The following CCDC12 variants were observed in gnomAD, a reference collection of about 807,000 sequenced individuals.
CCDC12 encodes the protein coiled-coil domain-containing protein 12.
A neutral mutation model predicts 25.7 loss-of-function variants in CCDC12; 28 were observed. The observed-to-expected ratio is 1.09, with a 90% CI of 0.81 to 1.50. The LOEUF is 1.50. Among genes scored for constraint, CCDC12 ranks in the 40% most tolerant of loss-of-function variants. The probability of loss-of-function intolerance (pLI) is 0.00; values close to 1 mark genes in which losing one functional copy is unlikely to be tolerated. For synonymous variants in CCDC12, 75 were observed against 87.7 expected (o/e 0.86, Z 0.81); for missense variants, 198 against 210.0 (o/e 0.94, Z 0.35).
chr3:46,936,858 G>C (rs765767382), intron 2 of CCDC12, among the ~76,000 whole-genome samples: 6 of 152,206 alleles, frequency 3.9e-5, no homozygotes, highest in Non-Finnish European at 7.3e-5. Flanking sequence ...TGGGACATAG[G>C]GAGCCGAGAC....
At chr3:46,926,910 G>C (rs891222039) in intron 2 of CCDC12, among the ~76,000 whole-genome samples, 1 of 152,196 alleles carries the variant, frequency 6.6e-6, no homozygotes, top group African/African-American at 2.4e-5. Context: ...TAAAAGTGCT[G>C]CTGACTTCCT....
chr3:46,927,497 A>T (rs1222635650), intron 2 of CCDC12, among the ~76,000 whole-genome samples: 1 of 152,186 alleles, frequency 6.6e-6, no homozygotes, highest in Non-Finnish European at 1.5e-5. Context: ...ACACGCACCC[A>T]TGCCTCCAGA....
upstream of CCDC12, chr3:46,977,075 C>G: frequency 2.8e-6 from 1 of 351,602 alleles, no homozygotes; most frequent in Non-Finnish European, 5.3e-6. Flanking sequence ...TCGATCGCTC[C>G]GGTTTTGCCC....
intron 1 of CCDC12, among the ~76,000 whole-genome samples, chr3:46,954,043 AC>A (rs1345580716): frequency 6.6e-6 from 1 of 151,862 alleles, no homozygotes; most frequent in Admixed American, 6.6e-5. Flanking sequence ...AGATTGGAAG[AC>A]CCCTCCCCTG....
At chr3:46,939,479 C>A (rs932943438) in intron 2 of CCDC12, among the ~76,000 whole-genome samples, 1 of 152,058 alleles carries the variant, frequency 6.6e-6, no homozygotes, top group Admixed American at 6.6e-5. Context: ...GACCAAAGGG[C>A]CTCTAATATG....
chr3:46,927,689 C>T (rs1357944567), intron 2 of CCDC12, among the ~76,000 whole-genome samples: 1 of 152,232 alleles, frequency 6.6e-6, no homozygotes, highest in East Asian at 1.9e-4. Flanking sequence ...TCAGTTTCCA[C>T]ATTTAGAAAC....
At chr3:46,956,034 C>A (rs1374145680) in intron 1 of CCDC12, among the ~76,000 whole-genome samples, 2 of 152,234 alleles carry the variant, frequency 1.3e-5, no homozygotes, top group Non-Finnish European at 2.9e-5. Flanking sequence ...AAGATAGGCC[C>A]ACATTTAAAC....
At chr3:46,934,986 G>A (rs985995762) in intron 2 of CCDC12, among the ~76,000 whole-genome samples, 2 of 152,216 alleles carry the variant, frequency 1.3e-5, no homozygotes. Context: ...CCATCAGTGG[G>A]GCCCAGCACA....
intron 2 of CCDC12, among the ~76,000 whole-genome samples, chr3:46,939,281 G>T (rs1054730340): frequency 6.6e-6 from 1 of 152,024 alleles, no homozygotes; most frequent in African/African-American, 2.4e-5. Flanking sequence ...CAACCATATG[G>T]TTCAACATTC....
At chr3:46,962,434 C>CAAAAAAAAAAAAAAAAA (rs33969115) in intron 1 of CCDC12, among the ~76,000 whole-genome samples, 42 of 63,172 alleles carry the variant, frequency 6.6e-4, no homozygotes, top group African/African-American at 2.6e-3. Context: ...AACTCTATCT[C>CAAAAAAAAAAAAAAAAA]AAAAAAAAAA....
chr3:46,977,222 C>A (rs1226705221), upstream of CCDC12, among the ~76,000 whole-genome samples: 1 of 152,170 alleles, frequency 6.6e-6, no homozygotes, highest in Non-Finnish European at 1.5e-5. Context: ...CGCCTGTAAT[C>A]CCAGCACTTT....
chr3:46,922,677 G>A (rs937847843), intron 5 of CCDC12: 19 of 350,236 alleles, frequency 5.4e-5, no homozygotes, highest in East Asian at 2.0e-4. Context: ...CACCGGCCCA[G>A]CCCCTCCACT....
chr3:46,964,317 T>C (rs1188039857), intron 1 of CCDC12, among the ~76,000 whole-genome samples: 1 of 143,192 alleles, frequency 7.0e-6, no homozygotes, highest in African/African-American at 2.7e-5. Context: ...AGCCGCCCCA[T>C]CCGGGAGGGA....
chr3:46,951,006 C>T (rs955135465), intron 1 of CCDC12, among the ~76,000 whole-genome samples: 1 of 151,996 alleles, frequency 6.6e-6, no homozygotes. Flanking sequence ...TTCGGGAGGC[C>T]GAGGCGGGTC....
At chr3:46,951,798 A>AAAAAAAAAATATATATATATAT in intron 1 of CCDC12, among the ~76,000 whole-genome samples, 1 of 8,464 alleles carries the variant, frequency 1.2e-4, no homozygotes, top group Non-Finnish European at 2.8e-4. Context: ...AAAAAAAAAA[A>AAAAAAAAAATATATATATATAT]ATATATATAT....
intron 1 of CCDC12, among the ~76,000 whole-genome samples, chr3:46,945,732 A>T (rs1358274794): frequency 1.3e-5 from 2 of 152,216 alleles, no homozygotes; most frequent in African/African-American, 4.8e-5. Flanking sequence ...CAGTGTTATT[A>T]ATTTATGTCT....
intron 2 of CCDC12, among the ~76,000 whole-genome samples, chr3:46,938,516 C>T (rs1456706914): frequency 2.5e-5 from 3 of 120,196 alleles, no homozygotes; most frequent in African/African-American, 2.9e-5. Flanking sequence ...TGTTCCCCTC[C>T]TGTTTTTTTT....
intron 1 of CCDC12, among the ~76,000 whole-genome samples, chr3:46,972,103 C>T (rs1191853285): frequency 2.0e-5 from 3 of 152,170 alleles, no homozygotes; most frequent in Non-Finnish European, 4.4e-5. Context: ...AAATATGACA[C>T]TAAAAATACA....
At chr3:46,924,770 T>A (rs2032865948) in intron 3 of CCDC12, 1 of 153,296 alleles carries the variant, frequency 6.5e-6, no homozygotes, top group Non-Finnish European at 1.5e-5. Flanking sequence ...GAGCTGAGAT[T>A]ATGCCACTGC....
Sources: gnomAD v4.1 joint callset for allele counts (sites outside exome capture counted in the v4.1 genomes callset) on GRCh38, gnomAD v4.1.1 for gene constraint, MANE v1.5 for transcripts, NCBI Gene and HGNC (gene_info 2026-07-23, HGNC 2026-07-21) for gene names.